The following CREB5 variants were observed in gnomAD, a reference collection of about 807,000 sequenced individuals.
CREB5 encodes cAMP responsive element binding protein 5.
CREB5 carries 19 observed loss-of-function variants against 57.1 expected under a neutral mutation model. The ratio of observed to expected loss-of-function variants is 0.33; its 90% CI spans 0.23 to 0.49. The LOEUF (loss-of-function observed/expected upper bound fraction) is 0.49, where lower values mean the gene tolerates loss of function less well. Among genes scored for constraint, CREB5 ranks in the 20% least tolerant of loss-of-function variants. CREB5 has a pLI of 0.99. For missense variants in CREB5, 579 were observed against 671.6 expected (o/e 0.86, Z 1.52); for synonymous variants, 238 against 238.3 (o/e 1.00, Z 0.01).
At position 28,633,369 on chromosome 7, in the gene CREB5, A is replaced by ATG. The variant is rs3041195; in HGVS notation, c.464+62854_464+62855dup. Among the ~76,000 whole-genome samples the ATG allele has an allele frequency of 6.3e-3, 956 of 150,978 alleles. 3 individuals carry two copies. Among genetic ancestry groups the ATG allele is most frequent in the African/African-American group, 0.015 (615 of 41,110 alleles). ...GTTTAAACCAAGGATTCAATCATTC[A>ATG]TGTGTGTGTGTGTGTGTGTGTGTCT... is the stretch of plus-strand genomic sequence containing the variant. On this transcript the variant is annotated intron_variant, in intron 5 of 10. Coordinates refer to ENST00000357727, the MANE Select transcript of CREB5 (RefSeq NM_182898.4).
chr7:28,682,931 C>T (rs552981258), intron 5 of CREB5, among the ~76,000 whole-genome samples: 7 of 152,262 alleles, frequency 4.6e-5, no homozygotes, highest in African/African-American at 9.6e-5. Context: ...TCTTCGGAGC[C>T]GAACATTTCA....
At chr7:28,605,034 C>T (rs1797075812) in intron 5 of CREB5, among the ~76,000 whole-genome samples, 1 of 151,526 alleles carries the variant, frequency 6.6e-6, no homozygotes, top group African/African-American at 2.4e-5. Context: ...AAATTTATGC[C>T]CTTTCTCATT....
At chr7:28,325,698 G>A (rs1357740607) in intron 1 of CREB5, among the ~76,000 whole-genome samples, 1 of 152,050 alleles carries the variant, frequency 6.6e-6, no homozygotes, top group Non-Finnish European at 1.5e-5. Context: ...CTTACTCTAG[G>A]TTCCCACTGC....
At chr7:28,631,337 G>T (rs567632060) in intron 5 of CREB5, among the ~76,000 whole-genome samples, 1 of 152,158 alleles carries the variant, frequency 6.6e-6, no homozygotes, top group Non-Finnish European at 1.5e-5. Flanking sequence ...GAAACCCTGC[G>T]TTAAAGCCTC....
intron 1 of CREB5, among the ~76,000 whole-genome samples, chr7:28,387,783 A>C (rs1281206234): frequency 6.6e-6 from 1 of 152,192 alleles, no homozygotes; most frequent in African/African-American, 2.4e-5. Flanking sequence ...CACATCCTGC[A>C]CATGGACCCC....
At chr7:28,496,665 C>T (rs763772549) in intron 3 of CREB5, among the ~76,000 whole-genome samples, 3 of 152,184 alleles carry the variant, frequency 2.0e-5, no homozygotes, top group African/African-American at 4.8e-5. Context: ...CTCCCGGTGT[C>T]GGAGCCACCC....
chr7:28,744,460 G>A (rs952807610), intron 7 of CREB5, among the ~76,000 whole-genome samples: 1 of 147,464 alleles, frequency 6.8e-6, no homozygotes, highest in African/African-American at 2.5e-5. Context: ...CGATTCTCGT[G>A]CCTCAGCCTC....
intron 5 of CREB5, among the ~76,000 whole-genome samples, chr7:28,623,706 A>G (rs1330478065): frequency 2.6e-5 from 4 of 151,504 alleles, no homozygotes; most frequent in Non-Finnish European, 4.4e-5. Flanking sequence ...TGGCTTAATG[A>G]TAAGTCTCTT....
chr7:28,560,047 G>T (rs73301153), intron 4 of CREB5, among the ~76,000 whole-genome samples: 3,264 of 152,254 alleles, frequency 0.021, 111 homozygotes, highest in African/African-American at 0.073. Flanking sequence ...GAAGAGCAGG[G>T]CTGTAAGATA....
chr7:28,560,909 C>CGTGTGTGTGTGTGTGT (rs1268332483), intron 4 of CREB5, among the ~76,000 whole-genome samples: 4 of 32,654 alleles, frequency 1.2e-4, no homozygotes, highest in South Asian at 1.3e-3. Flanking sequence ...TGCGCGCGTG[C>CGTGTGTGTGTGTGTGT]GTGTGCGTGT....
chr7:28,367,511 C>T (rs1040257281), intron 1 of CREB5, among the ~76,000 whole-genome samples: 1 of 152,160 alleles, frequency 6.6e-6, no homozygotes, highest in East Asian at 1.9e-4. Context: ...TCAGTGCTAC[C>T]TTTAAAACAT....
intron 1 of CREB5, among the ~76,000 whole-genome samples, chr7:28,450,260 G>A (rs536699743): frequency 4.6e-5 from 7 of 152,114 alleles, no homozygotes; most frequent in African/African-American, 1.2e-4. Flanking sequence ...TAAAAAGCCC[G>A]AGGGTACTTA....
intron 7 of CREB5, among the ~76,000 whole-genome samples, chr7:28,792,165 A>G (rs1300107120): frequency 6.6e-6 from 1 of 152,056 alleles, no homozygotes; most frequent in Non-Finnish European, 1.5e-5. Flanking sequence ...ATTAGTTGGC[A>G]TGGTTACAAT....
intron 4 of CREB5, among the ~76,000 whole-genome samples, chr7:28,537,885 T>C (rs1794029524): frequency 6.6e-6 from 1 of 152,182 alleles, no homozygotes; most frequent in Non-Finnish European, 1.5e-5. Context: ...CCTTACTCTA[T>C]CTTGATGTAC....
chr7:28,794,159 A>T (rs1251873894), intron 7 of CREB5, among the ~76,000 whole-genome samples: 2 of 152,218 alleles, frequency 1.3e-5, no homozygotes, highest in Non-Finnish European at 2.9e-5. Context: ...TTAAAAGTTC[A>T]TCCAAAATAA....
intron 5 of CREB5, among the ~76,000 whole-genome samples, chr7:28,644,562 G>A (rs778473736): frequency 1.4e-5 from 2 of 145,556 alleles, no homozygotes; most frequent in African/African-American, 5.7e-5. Context: ...GTGAATGAAC[G>A]TGGAGTGGGG....
intron 7 of CREB5, among the ~76,000 whole-genome samples, chr7:28,737,562 TA>T (rs1804079756): frequency 2.7e-5 from 3 of 110,152 alleles, no homozygotes; most frequent in South Asian, 2.6e-4. Flanking sequence ...TATATATATA[TA>T]TATATATATA....
chr7:28,733,154 T>A (rs1009294468), intron 7 of CREB5, among the ~76,000 whole-genome samples: 2 of 152,082 alleles, frequency 1.3e-5, no homozygotes, highest in African/African-American at 4.8e-5. Context: ...ATTCCAGAGA[T>A]TAAAAAGTGC....
intron 5 of CREB5, among the ~76,000 whole-genome samples, chr7:28,700,455 C>T (rs1039805328): frequency 6.6e-6 from 1 of 152,176 alleles, no homozygotes; most frequent in African/African-American, 2.4e-5. Context: ...CTTTTATTCA[C>T]GCTAGGCTCT....
Sources: allele counts gnomAD v4.1 joint callset (sites outside exome capture counted in the v4.1 genomes callset), GRCh38; gene constraint gnomAD v4.1.1; transcripts MANE v1.5; gene names NCBI Gene and HGNC (gene_info 2026-07-23, HGNC 2026-07-21).